The following RIPOR1 variants were observed in gnomAD, a reference collection of about 807,000 sequenced individuals.
RIPOR1 encodes RHO family interacting cell polarization regulator 1, also known as rho family-interacting cell polarization regulator 1.
In RIPOR1, 58 loss-of-function variants were observed where a neutral mutation model predicts 116.5. The ratio of observed to expected loss-of-function variants is 0.50; its 90% confidence interval spans 0.40 to 0.62. The LOEUF is 0.62. RIPOR1 is among the 20% of genes least tolerant of loss of function. The pLI, the probability that RIPOR1 is intolerant of heterozygous loss-of-function variation, is 0.00. For missense variants in RIPOR1, 1,372 were observed against 1,586.2 expected, an observed-to-expected ratio of 0.86 and a Z score of 2.29; for synonymous variants, 605 against 650.0, an observed-to-expected ratio of 0.93 and a Z score of 1.05.
chr16:67,540,206 G>T lies in RIPOR1; in HGVS notation c.567+1G>T. On this transcript the variant is annotated splice_donor_variant, in intron 7 of 21. Transcript: ENST00000042381. LOFTEE classifies it high-confidence loss of function. This position sits in a 1 kb window ranked among gnomAD's most constrained non-coding sequence, Gnocchi z 4.7. ...TCGGGGGCATCGCGAGTACACGGAG[G>T]TGAGGGATGGGGGCCCATGAGGCAG... is the stretch of plus-strand genomic sequence containing the variant. The T allele has an allele frequency of 6.2e-7, 1 of 1,614,018 alleles. No individual in the cohort carries two copies. The highest frequency in any genetic ancestry group is 8.5e-7 in the Non-Finnish European group (1 of 1,179,946).
chr16:67,542,342 C>T lies in RIPOR1; in HGVS notation c.1556C>T (p.Thr519Ile), dbSNP rs2051013349. 1 of 1,613,952 alleles carries T rather than the reference C, an allele frequency of 6.2e-7. No individual in the cohort carries two copies. ...LGTTGSVPTS[T>I]DPAPSAHLDS... ...ACAACAGGCTCTGTCCCCACATCTA[C>T]AGACCCTGCCCCATCTGCACACCTA... The change falls in exon 13 of 22, where the codon ACA becomes ATA. Residue 519 changes from threonine to isoleucine, a missense_variant. This residue lies in a region of RIPOR1 where 1,005 missense variants were observed against 1,144.7 expected (regional missense o/e 0.88). Transcript: ENST00000042381. The surrounding 1 kb of genome is among the most constrained non-coding windows in gnomAD (Gnocchi z 4.6).
intron 1 of RIPOR1, 23 bp downstream of exon 1, chr16:67,528,937 G>T: frequency 5.2e-6 from 1 of 190,542 alleles, no homozygotes. Flanking sequence ...CGCCGTTTCC[G>T]GGGCTGCAGG....
Position 67,544,995 on chromosome 16 carries a change from T to A in RIPOR1, c.2909T>A (p.Phe970Tyr). The change falls in exon 17 of 22, where the codon TTC becomes TAC. Residue 970 changes from phenylalanine to tyrosine, a missense_variant. Physicochemically the swap from Phe to Tyr is conservative, Grantham distance 22 (BLOSUM62 3). Transcript: ENST00000042381. The surrounding 1 kb of genome is among the most constrained non-coding windows in gnomAD (Gnocchi z 5.1). ...FSASRPGFLT[F>Y]WDQCTERLSC... ...GCCTCTCGGCCTGGCTTCCTGACCT[T>A]CTGGGACCAGTGCACAGAGAGACTC... 1 of 1,613,484 alleles carries A rather than the reference T, an allele frequency of 6.2e-7. No homozygotes were observed. The highest frequency in any genetic ancestry group is 8.5e-7 in the Non-Finnish European group (1 of 1,180,026).
At chr16:67,539,799 G>A (rs755304377) in intron 5 of RIPOR1, 47 bp from the exon 6 acceptor site, 2 of 1,614,174 alleles carry the variant, frequency 1.2e-6, no homozygotes, top group Non-Finnish European at 1.7e-6. Context: ...CACAGGGAGG[G>A]TAAGGACCCT....
At chr16:67,527,762 C>A (rs1438313309), upstream of RIPOR1, among the ~76,000 whole-genome samples, 2 of 151,202 alleles carry the variant, frequency 1.3e-5, no homozygotes, top group Non-Finnish European at 2.9e-5. Context: ...GTAGTCCCAG[C>A]TACTCGGGAG....
chr16:67,538,345 C>T, intron 1 of RIPOR1, 79 bp from the exon 2 acceptor site: 2 of 1,491,226 alleles, frequency 1.3e-6, no homozygotes, highest in African/African-American at 1.4e-5. Flanking sequence ...GAAAGACCTG[C>T]GCCAGCCCTG....
rs2050927075 is a variant in RIPOR1 at position 67,540,007 on chromosome 16, G to C, written c.415-46G>C. On this transcript the variant is annotated intron_variant, in intron 6 of 21. Transcript: ENST00000042381. The surrounding 1 kb of genome is among the most constrained non-coding windows in gnomAD (Gnocchi z 4.7). The stretch of plus-strand genomic sequence containing the variant: ...GCAACCTTAGAGGTGAGTAACCCCA[G>C]AGGTGAGTCTCAGTCCCCCTACTGT... 2 of 1,613,774 alleles carry C rather than the reference G, an allele frequency of 1.2e-6. No homozygotes were observed. The highest frequency in any genetic ancestry group is 1.3e-5 in the African/African-American group (1 of 74,912).
Position 67,543,520 on chromosome 16 carries a change from G to T in RIPOR1, c.2600+51G>T. On this transcript the variant is annotated intron_variant, in intron 14 of 21. Transcript: ENST00000042381. This position sits in a 1 kb window ranked among gnomAD's most constrained non-coding sequence, Gnocchi z 4.7. ...TGAGGCTAGGTGAGAGGGAAAAGGT[G>T]AGGCAGGACCAGGGGAAGGTGGAAC... The T allele has an allele frequency of 6.5e-7, 1 of 1,541,302 alleles. No homozygotes were observed. Among genetic ancestry groups the T allele is most frequent in the Non-Finnish European group, 8.7e-7 (1 of 1,146,424 alleles).
Position 67,539,719 on chromosome 16 carries a change from C to A in RIPOR1, c.337-9C>A. ...CCTAAATATTTGCCCCTTCTCCCCA[C>A]CCCTGCAGGGCTTCCTGTATGATCT... On this transcript the variant is annotated splice_polypyrimidine_tract_variant and intron_variant, in intron 4 of 21. Transcript: ENST00000042381. 1 of 1,614,136 alleles carries A rather than the reference C, an allele frequency of 6.2e-7. No individual in the cohort carries two copies. The highest frequency in any genetic ancestry group is 1.1e-5 in the South Asian group (1 of 91,086).
In RIPOR1 at chr16:67,538,796, G is replaced by A. The variant is rs1597639289; in HGVS notation, c.229G>A (p.Val77Met). 5 of 1,613,412 alleles carry A rather than the reference G, an allele frequency of 3.1e-6. No homozygotes were observed. The highest frequency in any genetic ancestry group is 4.2e-6 in the Non-Finnish European group (5 of 1,179,990). ...KVPQPERLDL[V>M]YTALKRGLTA... Reference sequence around the variant, plus strand: ...GCCGCAGCCCGAGCGGCTGGACCTGGTGTACACGGCGCTGAAGCGGGGCCT... The same window carrying A: ...GCCGCAGCCCGAGCGGCTGGACCTGATGTACACGGCGCTGAAGCGGGGCCT... Residue 77 changes from valine (V) to methionine (M), a missense_variant, in exon 3 of 22, where the codon GTG (valine) becomes ATG (methionine). Transcript: ENST00000042381.
chr16:67,544,258 G>A lies in RIPOR1; in HGVS notation c.2601-41G>A. On this transcript the variant is annotated intron_variant, in intron 14 of 21. Transcript: ENST00000042381. The surrounding 1 kb of genome is among the most constrained non-coding windows in gnomAD (Gnocchi z 5.1). ...AAATAAACGCTGGTGACCAGGTGGT[G>A]ATGTGTGCCTGTGGGGTGGTGGACC... is the stretch of plus-strand genomic sequence containing the variant. 1 of 1,571,626 alleles carries A rather than the reference G, an allele frequency of 6.4e-7. No individual in the cohort carries two copies. The highest frequency in any genetic ancestry group is 8.7e-7 in the Non-Finnish European group (1 of 1,151,588).
In RIPOR1 at chr16:67,541,609, C is replaced by CCA; in HGVS notation, c.950+32_950+33dup. The CCA allele has an allele frequency of 6.2e-7, 1 of 1,613,942 alleles. No homozygotes were observed. Among genetic ancestry groups the CCA allele is most frequent in the Non-Finnish European group, 8.5e-7 (1 of 1,179,916 alleles). ...TGGGGCTGAGAGGCTTGGAGGAGGG[C>CCA]CAGGAGGGCTGTGGCACCTGCCAAC... On this transcript the variant is annotated intron_variant, in intron 11 of 21. Coordinates refer to ENST00000042381, the MANE Select transcript of RIPOR1 (RefSeq NM_024519.4). The surrounding 1 kb of genome is among the most constrained non-coding windows in gnomAD (Gnocchi z 4.6).
Position 67,537,638 on chromosome 16 carries a change from C to T in RIPOR1, c.-23-786C>T. ...GGGCTGCGAAAGCTCAGGGACTGGCCCCAGGGGAAGCAGGCCGGGTTTGGG... is the reference window on the plus strand; with the variant it reads ...GGGCTGCGAAAGCTCAGGGACTGGCTCCAGGGGAAGCAGGCCGGGTTTGGG... On this transcript the variant is annotated intron_variant, in intron 1 of 21. Transcript: ENST00000042381. The surrounding 1 kb of genome is among the most constrained non-coding windows in gnomAD (Gnocchi z 4.6). 7.5e-7 allele frequency: 1 copy of T among 1,326,864 alleles called. No homozygotes were observed. The highest frequency in any genetic ancestry group is 9.8e-7 in the Non-Finnish European group (1 of 1,021,762). 82.2% of individuals were successfully genotyped at this position (1,326,864 alleles called of 1,614,324 possible). A position where few individuals can be genotyped will look rare whatever the true frequency, so the allele number is the denominator to read the frequency against.
rs780788822 is a variant in RIPOR1, at chr16:67,539,826, C to A, written c.361-20C>A. 28 of 1,614,064 alleles carry A rather than the reference C, an allele frequency of 1.7e-5. No homozygotes were observed. The highest frequency in any genetic ancestry group is 2.0e-5 in the Non-Finnish European group (24 of 1,180,024). ...AAGGACCCTGGGCCTCAGGCCCCTC[C>A]TGACCCACCTCTCCCCCAGCAAGTC... On this transcript the variant is annotated intron_variant, in intron 5 of 21. Coordinates refer to ENST00000042381, the MANE Select transcript of RIPOR1 (RefSeq NM_024519.4).
At position 67,545,928 on chromosome 16, in the gene RIPOR1, T is replaced by G. The variant is rs1391049142; in HGVS notation, c.3388-21T>G. ...TGGACTCCCACTGTCTGGCTAAGTCTGTCCTCCCACCCTTCCACAGGCCCT... is the reference window on the plus strand; with the variant it reads ...TGGACTCCCACTGTCTGGCTAAGTCGGTCCTCCCACCCTTCCACAGGCCCT... On this transcript the variant is annotated intron_variant, in intron 19 of 21. Coordinates refer to ENST00000042381, the MANE Select transcript of RIPOR1 (RefSeq NM_024519.4). The surrounding 1 kb of genome is among the most constrained non-coding windows in gnomAD (Gnocchi z 4.8). 1.3e-5 allele frequency: 21 copies of G among 1,613,812 alleles called. No individual in the cohort carries two copies. The highest frequency in any genetic ancestry group is 1.8e-5 in the Non-Finnish European group (21 of 1,179,934).
upstream of RIPOR1, among the ~76,000 whole-genome samples, chr16:67,524,501 C>A (rs1041305669): frequency 6.6e-6 from 1 of 152,144 alleles, no homozygotes. Context: ...GCTCAGACCC[C>A]TCTCTCTTCT....
rs1478061258 is a variant in RIPOR1 at position 67,540,397 on chromosome 16, G to T, written c.631+34G>T. The T allele has an allele frequency of 6.2e-7, 1 of 1,614,188 alleles. No homozygotes were observed. On this transcript the variant is annotated intron_variant, in intron 8 of 21. Coordinates refer to ENST00000042381, the MANE Select transcript of RIPOR1 (RefSeq NM_024519.4). This position sits in a 1 kb window ranked among gnomAD's most constrained non-coding sequence, Gnocchi z 4.7. ...TTGTGGGGGCAGGTGGGGGGCTGGA[G>T]GGAGTATGCTGAAGAACCCCAATAT...
intron 1 of RIPOR1, among the ~76,000 whole-genome samples, chr16:67,522,184 C>T (rs973007287): frequency 2.0e-5 from 3 of 146,448 alleles, no homozygotes; most frequent in African/African-American, 5.1e-5. Context: ...TGTGCCACCA[C>T]GCCCAGATTT....
At position 67,543,956 on chromosome 16, in the gene RIPOR1, C is replaced by G. The variant is rs956946448; in HGVS notation, c.2601-343C>G. 8 of 392,656 alleles carry G rather than the reference C, an allele frequency of 2.0e-5. No homozygotes were observed. Among genetic ancestry groups the G allele is most frequent in the Non-Finnish European group, 3.3e-5 (7 of 215,374 alleles). 24.3% of individuals were successfully genotyped at this position (392,656 alleles called of 1,614,324 possible). A position where few individuals can be genotyped will look rare whatever the true frequency, so the allele number is the denominator to read the frequency against. Reference sequence around the variant, plus strand: ...TTCCCAGTTGAGAGTTGTGCCAGGTCCCTCCTTCCTCTGCTGCTGCCCAGG... The same window carrying G: ...TTCCCAGTTGAGAGTTGTGCCAGGTGCCTCCTTCCTCTGCTGCTGCCCAGG... On this transcript the variant is annotated intron_variant, in intron 14 of 21. Transcript: ENST00000042381. The surrounding 1 kb of genome is among the most constrained non-coding windows in gnomAD (Gnocchi z 4.7).
Sources: gnomAD v4.1 joint callset for allele counts (sites outside exome capture counted in the v4.1 genomes callset) on GRCh38, gnomAD v4.1.1 for gene constraint, gnomAD v4.1.1 regional missense constraint, Gnocchi (gnomAD v3.1) non-coding constraint, MANE v1.5 for transcripts, NCBI Gene and HGNC (gene_info 2026-07-23, HGNC 2026-07-21) for gene names.